NEGR1: variants seen among roughly 807,000 people sequenced by gnomAD.
NEGR1 encodes neuronal growth regulator 1, also known as IgLON family member 4.
In NEGR1, 10 loss-of-function variants were observed where a neutral mutation model predicts 40.9. The observed-to-expected ratio is 0.24, with a 90% CI of 0.15 to 0.42. The LOEUF (loss-of-function observed/expected upper bound fraction) is 0.42, where lower values mean the gene tolerates loss of function less well. Ranked by LOEUF, NEGR1 falls within the 10% of genes least tolerant of loss-of-function variation. The pLI is 1.00. For missense variants in NEGR1, 352 were observed against 438.9 expected (o/e 0.80, Z 1.77); for synonymous variants, 185 against 166.8 (o/e 1.11, Z -0.84).
At chr1:71,803,513 C>T (rs191850046) in intron 2 of NEGR1, among the ~76,000 whole-genome samples, 2 of 152,158 alleles carry the variant, frequency 1.3e-5, no homozygotes, top group African/African-American at 2.4e-5. Flanking sequence ...TAATCTATTA[C>T]TATTTTTCTA....
chr1:71,735,275 T>G (rs1348740153), intron 3 of NEGR1, among the ~76,000 whole-genome samples: 3 of 152,118 alleles, frequency 2.0e-5, no homozygotes, highest in Non-Finnish European at 4.4e-5. Context: ...AAGATAAATT[T>G]TATCACTATC....
chr1:71,463,973 C>G (rs529576388), intron 6 of NEGR1, among the ~76,000 whole-genome samples: 1 of 152,238 alleles, frequency 6.6e-6, no homozygotes, highest in African/African-American at 2.4e-5. Flanking sequence ...AAATTGATTT[C>G]TCAGAACTGG....
At chr1:72,082,101 A>T (rs1648026496) in intron 1 of NEGR1, among the ~76,000 whole-genome samples, 1 of 152,140 alleles carries the variant, frequency 6.6e-6, no homozygotes, top group Admixed American at 6.6e-5. Flanking sequence ...TTGTGGAAAT[A>T]AAATGTGTGA....
At chr1:71,628,493 C>T (rs1650861727) in intron 4 of NEGR1, among the ~76,000 whole-genome samples, 1 of 151,926 alleles carries the variant, frequency 6.6e-6, no homozygotes. Flanking sequence ...TATACACGTG[C>T]CATGGTGGTT....
intron 4 of NEGR1, among the ~76,000 whole-genome samples, chr1:71,652,889 C>T (rs765621924): frequency 6.6e-6 from 1 of 151,964 alleles, no homozygotes; most frequent in East Asian, 1.9e-4. Context: ...TTTGCCACCC[C>T]CTGTTCTAAA....
intron 5 of NEGR1, among the ~76,000 whole-genome samples, chr1:71,602,468 G>A (rs1477716947): frequency 1.3e-5 from 2 of 150,464 alleles, no homozygotes; most frequent in African/African-American, 2.4e-5. Context: ...AGCCGGGATG[G>A]TCTCGATCTC....
intron 1 of NEGR1, among the ~76,000 whole-genome samples, chr1:71,989,371 G>C (rs1431083859): frequency 1.3e-5 from 2 of 152,106 alleles, no homozygotes; most frequent in Non-Finnish European, 2.9e-5. Flanking sequence ...AAGACAAGTG[G>C]CTATTTCAAA....
intron 1 of NEGR1, among the ~76,000 whole-genome samples, chr1:72,236,620 T>C (rs761868820): frequency 2.0e-5 from 3 of 151,992 alleles, no homozygotes; most frequent in Admixed American, 2.0e-4. Flanking sequence ...AGTTGTGGGC[T>C]ATTTCTTATT....
chr1:71,644,046 T>C (rs1651445588), intron 4 of NEGR1, among the ~76,000 whole-genome samples: 1 of 151,976 alleles, frequency 6.6e-6, no homozygotes, highest in African/African-American at 2.4e-5. Context: ...TCCATTGATC[T>C]GGTAATGGAC....
At chr1:72,163,729 A>AACAG (rs1553146974) in intron 1 of NEGR1, among the ~76,000 whole-genome samples, 2 of 60,334 alleles carry the variant, frequency 3.3e-5, no homozygotes, top group Non-Finnish European at 6.5e-5. Context: ...ACAGATATCT[A>AACAG]ATAGATAGAT....
chr1:71,608,500 T>TG (rs942671615), intron 5 of NEGR1, among the ~76,000 whole-genome samples: 1 of 151,044 alleles, frequency 6.6e-6, no homozygotes, highest in African/African-American at 2.4e-5. Flanking sequence ...TGTAGCTTTT[T>TG]TTTTTTTTTT....
intron 6 of NEGR1, among the ~76,000 whole-genome samples, chr1:71,586,647 G>A (rs575716508): frequency 1.3e-5 from 2 of 152,208 alleles, no homozygotes; most frequent in South Asian, 2.1e-4. Flanking sequence ...GACTGCTTCA[G>A]CCTGCTGGTT....
chr1:71,766,247 G>C (rs1656127699), intron 3 of NEGR1, among the ~76,000 whole-genome samples: 1 of 151,360 alleles, frequency 6.6e-6, no homozygotes, highest in African/African-American at 2.4e-5. Context: ...AAAGGAAAAA[G>C]TTAAAGATGT....
intron 2 of NEGR1, among the ~76,000 whole-genome samples, chr1:71,830,202 C>CT (rs1249272352): frequency 6.6e-6 from 1 of 151,810 alleles, no homozygotes; most frequent in Non-Finnish European, 1.5e-5. Context: ...TGCAGTGTTA[C>CT]TTTTATATCT....
chr1:71,748,291 G>A (rs12078352), intron 3 of NEGR1, among the ~76,000 whole-genome samples: 2,986 of 152,160 alleles, frequency 0.02, 81 homozygotes, highest in African/African-American at 0.068. Context: ...GTGTTACAAA[G>A]TTTCTTGATA....
intron 1 of NEGR1, among the ~76,000 whole-genome samples, chr1:72,025,582 T>C (rs17092140): frequency 0.023 from 3,470 of 152,246 alleles, 120 homozygotes; most frequent in African/African-American, 0.079. Context: ...GCCCAGGCAG[T>C]AGCATCAACA....
intron 3 of NEGR1, among the ~76,000 whole-genome samples, chr1:71,713,925 A>G (rs1210095182): frequency 6.6e-6 from 1 of 152,232 alleles, no homozygotes; most frequent in Non-Finnish European, 1.5e-5. Flanking sequence ...CAGTGGGTTT[A>G]TGTGATCTGG....
At chr1:71,978,352 T>C (rs529238117) in intron 1 of NEGR1, among the ~76,000 whole-genome samples, 1 of 152,350 alleles carries the variant, frequency 6.6e-6, no homozygotes, top group East Asian at 1.9e-4. Flanking sequence ...CTTTATGTCA[T>C]GATGCTAAAG....
chr1:71,997,561 A>G (rs1646515952), intron 1 of NEGR1, among the ~76,000 whole-genome samples: 1 of 152,004 alleles, frequency 6.6e-6, no homozygotes, highest in South Asian at 2.1e-4. Context: ...TTGGTGTTTT[A>G]GTCCAATATT....
Sources: allele counts gnomAD v4.1 joint callset (sites outside exome capture counted in the v4.1 genomes callset), GRCh38; gene constraint gnomAD v4.1.1; transcripts MANE v1.5; gene names NCBI Gene and HGNC (gene_info 2026-07-23, HGNC 2026-07-21).